Variants in SLC35A3 observed in about 807,000 individuals in gnomAD.
SLC35A3 encodes the protein UDP-N-acetylglucosamine transporter.
SLC35A3 carries 26 observed loss-of-function variants against 39.0 expected under a neutral mutation model. That is an observed-to-expected ratio of 0.67 (90% CI 0.49 to 0.92). The LOEUF (loss-of-function observed/expected upper bound fraction) is 0.92, where lower values mean the gene tolerates loss of function less well. Ranked by LOEUF, SLC35A3 falls within the 40% of genes least tolerant of loss-of-function variation. The pLI, the probability that SLC35A3 is intolerant of heterozygous loss-of-function variation, is 0.00. For missense variants in SLC35A3, 299 were observed against 371.6 expected (o/e 0.80, Z 1.61); for synonymous variants, 135 against 133.1 (o/e 1.01, Z -0.10).
chr1:99,970,323 T>TGCTA, intron 1 of SLC35A3, 161 bp downstream of exon 1: 1 of 553,844 alleles, frequency 1.8e-6, no homozygotes, highest in Non-Finnish European at 3.2e-6. Flanking sequence ...TGAAATACAG[T>TGCTA]GCTAGCTAAG....
In SLC35A3 at chr1:100,030,228, CATG is replaced by C. The variant is rs1661153701; in HGVS notation, c.*7753_*7755del. ...GAGGTAATTTGTTTAAAACAAATAACATGGTGTTCTTTTGGAAATATACAGTTT... is the reference window on the plus strand; with the variant it reads ...GAGGTAATTTGTTTAAAACAAATAACGTGTTCTTTTGGAAATATACAGTTT... On this transcript the variant is annotated 3_prime_UTR_variant, in exon 8 of 8. Transcript: ENST00000533028. The C allele has an allele frequency of 6.6e-6, 1 of 152,114 alleles. No homozygotes were observed. The highest frequency in any genetic ancestry group is 1.5e-5 in the Non-Finnish European group (1 of 68,000). 9.4% of individuals were successfully genotyped at this position (152,114 alleles called of 1,614,324 possible). A position where few individuals can be genotyped will look rare whatever the true frequency, so the allele number is the denominator to read the frequency against.
Position 99,999,390 on chromosome 1 carries a change from C to A in SLC35A3, c.317C>A (p.Ser106Ter). Residue 106 changes from serine to a stop codon, truncating the protein, a stop_gained, in exon 3 of 8, where the codon TCA (serine) becomes TAA (stop). Transcript: ENST00000533028. LOFTEE classifies it high-confidence loss of function. The part of the protein sequence containing the change: ...LQNNLLYVAL[S>*]NLDAATYQVT... ...AATAATTTACTGTATGTGGCACTAT[C>A]AAATCTAGATGCAGCTACTTATCAG... 6.3e-7 allele frequency: 1 copy of A among 1,586,594 alleles called. No homozygotes were observed. Among genetic ancestry groups the A allele is most frequent in the Non-Finnish European group, 8.5e-7 (1 of 1,171,104 alleles).
intron 5 of SLC35A3, among the ~76,000 whole-genome samples, chr1:100,013,751 GT>G (rs34616114): frequency 6.6e-6 from 1 of 151,912 alleles, no homozygotes; most frequent in Non-Finnish European, 1.5e-5. Context: ...CATCACATGT[GT>G]TTTTGTAATT....
In SLC35A3 at chr1:100,028,786, C is replaced by T. The variant is rs560331551; in HGVS notation, c.*6310C>T. On this transcript the variant is annotated 3_prime_UTR_variant, in exon 8 of 8. Transcript: ENST00000533028. ...ATGGCTGAGAGTGTTTTGGTCATTG[C>T]AAATTCAGGGGTTTCCCAAGTTCAC... 1 of 152,318 alleles carries T rather than the reference C, an allele frequency of 6.6e-6. No homozygotes were observed. Among genetic ancestry groups the T allele is most frequent in the African/African-American group, 2.4e-5 (1 of 41,570 alleles). 9.4% of individuals were successfully genotyped at this position (152,318 alleles called of 1,614,324 possible). A position where few individuals can be genotyped will look rare whatever the true frequency, so the allele number is the denominator to read the frequency against.
intron 5 of SLC35A3, among the ~76,000 whole-genome samples, chr1:100,012,012 C>T (rs368168298): frequency 1.2e-4 from 18 of 151,982 alleles, no homozygotes; most frequent in Non-Finnish European, 2.6e-4. Flanking sequence ...GCCACCTCCC[C>T]GGCCAAACAT....
intron 1 of SLC35A3, among the ~76,000 whole-genome samples, chr1:99,977,124 C>T (rs1355863744): frequency 1.3e-5 from 2 of 152,176 alleles, no homozygotes; most frequent in East Asian, 3.9e-4. Context: ...AGGCCCCTCA[C>T]CATTCAGGTT....
chr1:99,979,961 T>C (rs1657361619), intron 1 of SLC35A3, among the ~76,000 whole-genome samples: 1 of 151,768 alleles, frequency 6.6e-6, no homozygotes, highest in Non-Finnish European at 1.5e-5. Flanking sequence ...GGAGAATCGC[T>C]TGAACCCAGG....
chr1:99,996,258 CAAGT>C (rs1383106033), intron 2 of SLC35A3, among the ~76,000 whole-genome samples: 11 of 152,022 alleles, frequency 7.2e-5, no homozygotes, highest in African/African-American at 9.7e-5. Context: ...TAAATCAAGT[CAAGT>C]AAGAAGGCAA....
chr1:99,995,485 G>T (rs765517867), intron 2 of SLC35A3, among the ~76,000 whole-genome samples: 5 of 151,960 alleles, frequency 3.3e-5, no homozygotes, highest in Non-Finnish European at 7.4e-5. Context: ...ACTACATCTG[G>T]CATGGCTTGT....
At chr1:100,017,513 GA>G (rs1198491513) in intron 6 of SLC35A3, among the ~76,000 whole-genome samples, 168 bp from the exon 7 acceptor site, 1 of 152,080 alleles carries the variant, frequency 6.6e-6, no homozygotes, top group Non-Finnish European at 1.5e-5. Flanking sequence ...GAGGGCTATT[GA>G]ACAAAACCTG....
At chr1:100,019,933 T>C (rs1010015263) in intron 7 of SLC35A3, among the ~76,000 whole-genome samples, 2 of 152,180 alleles carry the variant, frequency 1.3e-5, no homozygotes, top group African/African-American at 4.8e-5. Context: ...CCATTTAGGG[T>C]TGCTTATTCT....
At chr1:99,970,459 T>G (rs750545880) in intron 1 of SLC35A3, 21 of 964,438 alleles carry the variant, frequency 2.2e-5, no homozygotes, top group Non-Finnish European at 3.3e-5. Context: ...CGGCAGTGTG[T>G]GCCTCAGCGC....
At position 99,999,290 on chromosome 1, in the gene SLC35A3, C is replaced by T; in HGVS notation, c.217C>T (p.Leu73=). The T allele has an allele frequency of 6.3e-7, 1 of 1,585,130 alleles. No individual in the cohort carries two copies. Among genetic ancestry groups the T allele is most frequent in the South Asian group, 1.2e-5 (1 of 86,372 alleles). Residue 73 remains leucine, a synonymous_variant, in exon 3 of 8, where the codon CTA becomes TTA. Transcript: ENST00000533028. The part of the protein sequence containing the change: ...KCSLRALNRV[L]HDEILNKPME... ...TAGTCTAAGAGCACTGAATCGAGTA[C>T]TACATGATGAAATTCTTAATAAACC...
At chr1:99,977,593 C>T (rs967146585) in intron 1 of SLC35A3, among the ~76,000 whole-genome samples, 1 of 22,782 alleles carries the variant, frequency 4.4e-5, no homozygotes, top group Non-Finnish European at 8.7e-5. Flanking sequence ...GGAGGGAGGG[C>T]GGGCAGTGAT....
chr1:100,005,332 CTTTA>C (rs1302770511), intron 3 of SLC35A3, among the ~76,000 whole-genome samples: 7 of 152,112 alleles, frequency 4.6e-5, no homozygotes, highest in East Asian at 1.9e-4. Context: ...TGTTTCAAAA[CTTTA>C]TTTATTTTGT....
chr1:100,001,010 T>C (rs951765849), intron 3 of SLC35A3, among the ~76,000 whole-genome samples: 1 of 152,150 alleles, frequency 6.6e-6, no homozygotes, highest in Non-Finnish European at 1.5e-5. Flanking sequence ...CAAAAATCAG[T>C]TGGCTGTAAA....
At position 100,034,798 on chromosome 1, in the gene SLC35A3, C is replaced by T. The variant is rs758033053; in HGVS notation, c.*12322C>T. On this transcript the variant is annotated 3_prime_UTR_variant, in exon 8 of 8. Coordinates refer to ENST00000533028, the MANE Select transcript of SLC35A3 (RefSeq NM_012243.3). ...GGAATCTTTTACTTTTGGCCACTTG[C>T]CTTTCTTTCCAAGGAATCCCACTCC... 1 of 152,254 alleles carries T rather than the reference C, an allele frequency of 6.6e-6. No homozygotes were observed. Among genetic ancestry groups the T allele is most frequent in the Non-Finnish European group, 1.5e-5 (1 of 68,022 alleles). 9.4% of individuals were successfully genotyped at this position (152,254 alleles called of 1,614,324 possible).
chr1:99,989,783 T>C (rs1657967829), intron 1 of SLC35A3, among the ~76,000 whole-genome samples: 1 of 152,124 alleles, frequency 6.6e-6, no homozygotes, highest in African/African-American at 2.4e-5. Context: ...TTTATTTTAT[T>C]GAGGCAGAGT....
At chr1:100,018,837 A>G (rs1660340026) in intron 7 of SLC35A3, among the ~76,000 whole-genome samples, 1 of 152,234 alleles carries the variant, frequency 6.6e-6, no homozygotes, top group African/African-American at 2.4e-5. Flanking sequence ...CTATAAAAAT[A>G]TAATATCCTT....
Sources: gnomAD v4.1 joint callset for allele counts (sites outside exome capture counted in the v4.1 genomes callset) on GRCh38, gnomAD v4.1.1 for gene constraint, MANE v1.5 for transcripts, NCBI Gene and HGNC (gene_info 2026-07-23, HGNC 2026-07-21) for gene names.